The following MBD5 variants were observed in gnomAD, a reference collection of about 807,000 sequenced individuals.
The protein encoded by MBD5 is methyl-CpG binding domain protein 5, also known as methyl-CpG-binding domain protein 5.
MBD5 carries 13 observed loss-of-function variants against 117.3 expected under a neutral mutation model. That is an observed-to-expected ratio of 0.11 (90% CI 0.07 to 0.18). MBD5 has a LOEUF of 0.18. Ranked by LOEUF, MBD5 falls within the 10% of genes least tolerant of loss-of-function variation. MBD5 has a pLI of 1.00. For synonymous variants in MBD5, 727 were observed against 766.4 expected, an observed-to-expected ratio of 0.95 and a Z score of 0.85; for missense variants, 1,879 against 2,093.8, an observed-to-expected ratio of 0.90 and a Z score of 2.00.
At chr2:148,479,636 C>T (rs1316256204) in intron 8 of MBD5, among the ~76,000 whole-genome samples, 1 of 151,886 alleles carries the variant, frequency 6.6e-6, no homozygotes, top group Non-Finnish European at 1.5e-5. Flanking sequence ...AGGGAAACCT[C>T]ACAATATTTT....
chr2:148,379,320 A>G (rs1704070785), intron 4 of MBD5, among the ~76,000 whole-genome samples: 1 of 152,150 alleles, frequency 6.6e-6, no homozygotes. Flanking sequence ...CAGACTTCTC[A>G]ACAGCAATAA....
At chr2:148,150,453 A>G (rs1697623494) in intron 1 of MBD5, among the ~76,000 whole-genome samples, 1 of 152,152 alleles carries the variant, frequency 6.6e-6, no homozygotes, top group Non-Finnish European at 1.5e-5. Flanking sequence ...TGAACTTTAA[A>G]GTATTTTTTT....
intron 1 of MBD5, among the ~76,000 whole-genome samples, chr2:148,110,946 G>A (rs2105349359): frequency 6.6e-6 from 1 of 151,548 alleles, no homozygotes; most frequent in Non-Finnish European, 1.5e-5. Flanking sequence ...TTGTTTCCTG[G>A]ATACAACAGT....
At chr2:148,369,529 A>G (rs1254817180) in intron 4 of MBD5, among the ~76,000 whole-genome samples, 3 of 152,174 alleles carry the variant, frequency 2.0e-5, no homozygotes, top group Admixed American at 6.5e-5. Context: ...ATAGATGCTA[A>G]GATGACAAAT....
intron 4 of MBD5, among the ~76,000 whole-genome samples, chr2:148,355,293 C>T (rs1017571979): frequency 1.2e-4 from 17 of 145,064 alleles, no homozygotes; most frequent in Non-Finnish European, 2.1e-4. Flanking sequence ...TCCCATTTGT[C>T]GATTTTGGCT....
intron 2 of MBD5, among the ~76,000 whole-genome samples, chr2:148,228,592 A>C (rs1177502192): frequency 1.3e-5 from 2 of 152,310 alleles, no homozygotes; most frequent in South Asian, 2.1e-4. Context: ...TGTCTCTGCC[A>C]GGCTTTGGTA....
At chr2:148,310,225 A>G (rs1701996723) in intron 3 of MBD5, among the ~76,000 whole-genome samples, 1 of 152,192 alleles carries the variant, frequency 6.6e-6, no homozygotes, top group Admixed American at 6.5e-5. Context: ...GAATGGTACC[A>G]GCTCCTTTTT....
intron 3 of MBD5, among the ~76,000 whole-genome samples, chr2:148,262,553 A>T (rs1208926713): frequency 6.6e-6 from 1 of 151,628 alleles, no homozygotes; most frequent in Non-Finnish European, 1.5e-5. Context: ...TCAGTTTTAT[A>T]AAAAAACTGA....
intron 1 of MBD5, among the ~76,000 whole-genome samples, chr2:148,051,955 G>T (rs1012968814): frequency 6.6e-6 from 1 of 151,690 alleles, no homozygotes; most frequent in African/African-American, 2.4e-5. Context: ...GGTAGAATTC[G>T]CCAGTGAAGC....
At chr2:148,372,982 G>A (rs773836099) in intron 4 of MBD5, among the ~76,000 whole-genome samples, 1 of 152,072 alleles carries the variant, frequency 6.6e-6, no homozygotes, top group Admixed American at 6.6e-5. Flanking sequence ...GCTCTCTGTA[G>A]TATAATAAAG....
At chr2:148,247,612 G>A (rs1335002672) in intron 3 of MBD5, among the ~76,000 whole-genome samples, 1 of 151,836 alleles carries the variant, frequency 6.6e-6, no homozygotes, top group Non-Finnish European at 1.5e-5. Context: ...AGTCCACTGA[G>A]CCTAACAATT....
chr2:148,330,546 T>A (rs1184529521), intron 3 of MBD5: 1 of 152,182 alleles, frequency 6.6e-6, no homozygotes, highest in Non-Finnish European at 1.5e-5. Context: ...TTACAAATCC[T>A]GCTATAGATT....
At chr2:148,407,360 G>A (rs889716875) in intron 4 of MBD5, among the ~76,000 whole-genome samples, 3 of 151,896 alleles carry the variant, frequency 2.0e-5, no homozygotes, top group South Asian at 4.2e-4. Flanking sequence ...GTGTGTGTGT[G>A]TGTGTGTGTT....
chr2:148,100,326 A>G (rs1696175366), intron 1 of MBD5, among the ~76,000 whole-genome samples: 1 of 152,226 alleles, frequency 6.6e-6, no homozygotes, highest in African/African-American at 2.4e-5. Flanking sequence ...GTTATCAGGT[A>G]TACTCAGATT....
rs754998351 is a variant in MBD5, at chr2:148,178,894, CCTGT to C, written c.-831+104_-831+107del. 160 of 392,640 alleles carry C rather than the reference CCTGT, an allele frequency of 4.1e-4. 1 individual carries two copies. The highest frequency in any genetic ancestry group is 1.3e-3 in the Middle Eastern group (2 of 1,562). 24.3% of individuals were successfully genotyped at this position (392,640 alleles called of 1,614,324 possible). On this transcript the variant is annotated intron_variant, in intron 2 of 13. Coordinates refer to ENST00000642680, the MANE Select transcript of MBD5 (RefSeq NM_001378120.1). ...AACTTGTTTACTTTTTATCACTGCT[CCTGT>C]CTAAGTTACCTCACAACTGCATTCA...
At chr2:148,040,959 T>TTTTG (rs926665640) in intron 1 of MBD5, among the ~76,000 whole-genome samples, 3 of 151,110 alleles carry the variant, frequency 2.0e-5, no homozygotes, top group Non-Finnish European at 4.4e-5. Flanking sequence ...TTTTGTGGAG[T>TTTTG]TTTGTTTGTT....
chr2:148,269,382 T>C (rs1700930065), intron 3 of MBD5, among the ~76,000 whole-genome samples: 1 of 151,878 alleles, frequency 6.6e-6, no homozygotes, highest in Non-Finnish European at 1.5e-5. Context: ...TAATTTATTA[T>C]AGATTTCTTC....
intron 2 of MBD5, among the ~76,000 whole-genome samples, chr2:148,212,944 G>A (rs1238549630): frequency 1.3e-5 from 2 of 151,922 alleles, no homozygotes; most frequent in African/African-American, 4.8e-5. Context: ...CTATTTGTTC[G>A]TTCTTTTCTG....
chr2:148,128,074 T>C (rs1696945096), intron 1 of MBD5, among the ~76,000 whole-genome samples: 1 of 152,182 alleles, frequency 6.6e-6, no homozygotes, highest in African/African-American at 2.4e-5. Flanking sequence ...CACTTTTTAA[T>C]GGGGTTGTTT....
Sources: allele counts gnomAD v4.1 joint callset (sites outside exome capture counted in the v4.1 genomes callset), GRCh38; gene constraint gnomAD v4.1.1; transcripts MANE v1.5; gene names NCBI Gene and HGNC (gene_info 2026-07-23, HGNC 2026-07-21).